The following TFEC variants were observed in gnomAD, a reference collection of about 807,000 sequenced individuals.
TFEC encodes the protein class E basic helix-loop-helix protein 34.
Under a neutral mutation model 41.6 loss-of-function variants are expected in TFEC, and 31 were observed. The observed-to-expected ratio is 0.74, with a 90% CI of 0.56 to 1.01. The LOEUF is 1.01. Ranked by LOEUF, TFEC falls within the 50% of genes least tolerant of loss-of-function variation. The pLI is 0.00. For synonymous variants in TFEC, 143 were observed against 140.6 expected (o/e 1.02, Z -0.12); for missense variants, 402 against 404.1 (o/e 0.99, Z 0.04).
intron 1 of TFEC, among the ~76,000 whole-genome samples, chr7:116,147,838 A>T (rs1036998140): frequency 6.6e-6 from 1 of 152,202 alleles, no homozygotes; most frequent in Non-Finnish European, 1.5e-5. Flanking sequence ...TATATTATGT[A>T]CTTACTATGT....
At chr7:115,999,990 C>A (rs1261164048) in intron 1 of TFEC, among the ~76,000 whole-genome samples, 1 of 151,944 alleles carries the variant, frequency 6.6e-6, no homozygotes, top group Non-Finnish European at 1.5e-5. Context: ...TTACTCTGAT[C>A]TCAAAACCAG....
intron 1 of TFEC, among the ~76,000 whole-genome samples, chr7:116,130,124 T>C (rs755707016): frequency 6.6e-6 from 1 of 151,678 alleles, no homozygotes; most frequent in Non-Finnish European, 1.5e-5. Context: ...CTTTTCCAGA[T>C]CTGAAGCCCC....
rs1226143213 is a variant in TFEC at position 115,937,871 on chromosome 7, C to A, written c.*2680G>T. On this transcript the variant is annotated 3_prime_UTR_variant, in exon 8 of 8. Coordinates refer to ENST00000265440, the MANE Select transcript of TFEC (RefSeq NM_012252.4). ...TGAATTATTGTCCATATAAACAGTT[C>A]TATACTTTTCTAGGGAGAGGGTCTA... 2.0e-5 allele frequency: 3 copies of A among 151,772 alleles called. No individual in the cohort carries two copies. The East Asian group carries it at 5.8e-4, about 29-fold the overall frequency. The allele number at this position is 151,772 out of a possible 1,614,324, so 9.4% of individuals were successfully genotyped here.
chr7:116,143,492 G>A (rs1245225449), intron 1 of TFEC, among the ~76,000 whole-genome samples: 1 of 152,174 alleles, frequency 6.6e-6, no homozygotes, highest in East Asian at 1.9e-4. Context: ...AGTGCAACAT[G>A]AAAGGGACAA....
chr7:116,144,088 C>G (rs1798593712), intron 1 of TFEC, among the ~76,000 whole-genome samples: 1 of 151,994 alleles, frequency 6.6e-6, no homozygotes, highest in Non-Finnish European at 1.5e-5. Context: ...TATGGTGGCA[C>G]ACGCCTGTAA....
At chr7:116,135,381 A>G (rs1798414483) in intron 1 of TFEC, among the ~76,000 whole-genome samples, 3 of 152,106 alleles carry the variant, frequency 2.0e-5, no homozygotes, top group Admixed American at 6.5e-5. Context: ...GATTACTACT[A>G]AGGTTGTTTT....
chr7:116,056,278 G>A (rs1312545385), intron 3 of TFEC, among the ~76,000 whole-genome samples: 1 of 152,012 alleles, frequency 6.6e-6, no homozygotes, highest in Non-Finnish European at 1.5e-5. Context: ...AGCAAACCCA[G>A]GCAGAGGCTG....
At chr7:116,115,754 T>C (rs1476405228) in intron 1 of TFEC, among the ~76,000 whole-genome samples, 1 of 152,012 alleles carries the variant, frequency 6.6e-6, no homozygotes, top group Non-Finnish European at 1.5e-5. Context: ...ACATCCACTT[T>C]AAAAAGAAAC....
chr7:116,129,738 A>G (rs1433498294), intron 1 of TFEC, among the ~76,000 whole-genome samples: 2 of 151,638 alleles, frequency 1.3e-5, no homozygotes, highest in African/African-American at 4.8e-5. Flanking sequence ...GATTACAGGT[A>G]TTTGAGACCA....
At chr7:116,151,090 T>C (rs1262963730) in intron 1 of TFEC, among the ~76,000 whole-genome samples, 1 of 152,206 alleles carries the variant, frequency 6.6e-6, no homozygotes, top group Non-Finnish European at 1.5e-5. Context: ...TTTCTGGCAT[T>C]TCACATGCTT....
chr7:116,140,439 G>C (rs1798517302), intron 1 of TFEC, among the ~76,000 whole-genome samples: 3 of 152,052 alleles, frequency 2.0e-5, no homozygotes, highest in Admixed American at 2.0e-4. Flanking sequence ...AGGAATTTTA[G>C]GCTCCAAAGA....
rs375618813 is a variant in TFEC, at chr7:115,981,104, T to A, written c.180+3158A>T. Among the ~76,000 whole-genome samples, 5 of 152,194 alleles carry A rather than the reference T, an allele frequency of 3.3e-5. 1 individual carries two copies. Among genetic ancestry groups the A allele is most frequent in the African/African-American group, 9.6e-5 (4 of 41,540 alleles). ...TGGAATCATGTTCTAAGTTCCCAGATCTGCATTTAAGTCCTGTAGCCCCAC... is the reference window on the plus strand; with the variant it reads ...TGGAATCATGTTCTAAGTTCCCAGAACTGCATTTAAGTCCTGTAGCCCCAC... On this transcript the variant is annotated intron_variant, in intron 2 of 7. Coordinates refer to ENST00000265440, the MANE Select transcript of TFEC (RefSeq NM_012252.4).
At chr7:116,050,363 A>C (rs1325311178) in intron 3 of TFEC, among the ~76,000 whole-genome samples, 3 of 152,262 alleles carry the variant, frequency 2.0e-5, no homozygotes, top group Non-Finnish European at 4.4e-5. Flanking sequence ...ACCTCTATGC[A>C]AATGAACTAG....
intron 1 of TFEC, among the ~76,000 whole-genome samples, chr7:115,998,990 A>G (rs995031380): frequency 1.4e-4 from 21 of 152,066 alleles, no homozygotes; most frequent in African/African-American, 4.8e-4. Context: ...TAAACCTAAT[A>G]GATATTTACA....
chr7:116,088,041 A>G (rs969056822), intron 3 of TFEC, among the ~76,000 whole-genome samples: 2 of 152,082 alleles, frequency 1.3e-5, no homozygotes, highest in African/African-American at 4.8e-5. Context: ...TACTCCTTCA[A>G]CATTCTTTAT....
At chr7:116,035,041 C>G (rs1189975567), upstream of TFEC, among the ~76,000 whole-genome samples, 2 of 151,726 alleles carry the variant, frequency 1.3e-5, 1 homozygote, top group South Asian at 4.2e-4. Flanking sequence ...TGTTTAATTT[C>G]AATCATTCAT....
chr7:116,053,135 A>G (rs1796353100), intron 3 of TFEC, among the ~76,000 whole-genome samples: 1 of 152,214 alleles, frequency 6.6e-6, no homozygotes, highest in South Asian at 2.1e-4. Flanking sequence ...CTGGCTGCTT[A>G]CATTTCCTTG....
chr7:116,031,746 A>G (rs1307236535), upstream of TFEC, among the ~76,000 whole-genome samples: 3 of 152,120 alleles, frequency 2.0e-5, no homozygotes, highest in East Asian at 3.8e-4. Context: ...TTTCAGCACT[A>G]TATCTTCTGT....
intron 1 of TFEC, 121 bp from the exon 2 acceptor site, chr7:115,984,634 A>G (rs1793774246): frequency 8.4e-7 from 1 of 1,194,414 alleles, no homozygotes; most frequent in East Asian, 2.6e-5. Flanking sequence ...TTTCTCTCCA[A>G]TCTATCGTCC....
Sources: allele counts gnomAD v4.1 joint callset (sites outside exome capture counted in the v4.1 genomes callset), GRCh38; gene constraint gnomAD v4.1.1; transcripts MANE v1.5; gene names NCBI Gene and HGNC (gene_info 2026-07-23, HGNC 2026-07-21).